Variants in CDH17 observed in about 807,000 individuals in gnomAD.
CDH17 encodes cadherin-17.
Under a neutral mutation model 86.3 loss-of-function variants are expected in CDH17, and 67 were observed. The observed-to-expected ratio is 0.78, with a 90% CI of 0.64 to 0.95. The LOEUF (loss-of-function observed/expected upper bound fraction) is 0.95, where lower values mean the gene tolerates loss of function less well. Among genes scored for constraint, CDH17 ranks in the 40% least tolerant of loss-of-function variants. CDH17 has a pLI of 0.00. For missense variants in CDH17, 993 were observed against 1,017.6 expected (o/e 0.98, Z 0.33); for synonymous variants, 367 against 366.4 (o/e 1.00, Z -0.02).
intron 3 of CDH17, among the ~76,000 whole-genome samples, chr8:94,179,437 G>T (rs1449469021): frequency 1.3e-5 from 2 of 152,252 alleles, no homozygotes; most frequent in Non-Finnish European, 2.9e-5. Flanking sequence ...GCTGGGAAAT[G>T]AGATGTCCAT....
At chr8:94,205,000 C>T (rs528531438) in intron 1 of CDH17, among the ~76,000 whole-genome samples, 51 of 152,204 alleles carry the variant, frequency 3.4e-4, no homozygotes, top group Admixed American at 3.9e-4. Flanking sequence ...CAGACCTTGA[C>T]GATGACCTTG....
chr8:94,144,671 A>C (rs918021431), intron 15 of CDH17, among the ~76,000 whole-genome samples: 3 of 152,164 alleles, frequency 2.0e-5, no homozygotes, highest in African/African-American at 7.2e-5. Flanking sequence ...CATGAAAAAA[A>C]TAGATACCAA....
rs565367402 is a variant in CDH17 at position 94,215,316 on chromosome 8, TAA to T, written c.-21+1880_-21+1881del. Among the ~76,000 whole-genome samples, 410 of 152,310 alleles carry T rather than the reference TAA, an allele frequency of 2.7e-3. 3 individuals are homozygous for T. Among genetic ancestry groups the T allele is most frequent in the African/African-American group, 8.9e-3 (369 of 41,572 alleles). Reference sequence around the variant, plus strand: ...CTATCCATATAATAGAATATTCATATAAAAAGATATGAAATACTGATACTACA... The same window carrying T: ...CTATCCATATAATAGAATATTCATATAAAGATATGAAATACTGATACTACA... On this transcript the variant is annotated intron_variant, in intron 1 of 17. Coordinates refer to the CDH17 transcript ENST00000450165.
chr8:94,165,348 C>T (rs1166758882), intron 10 of CDH17, among the ~76,000 whole-genome samples: 1 of 152,196 alleles, frequency 6.6e-6, no homozygotes, highest in Non-Finnish European at 1.5e-5. Flanking sequence ...GCCAAGCTTT[C>T]CTCAGACTGT....
chr8:94,150,642 C>A (rs1454870758), intron 13 of CDH17, among the ~76,000 whole-genome samples: 1 of 152,150 alleles, frequency 6.6e-6, no homozygotes, highest in African/African-American at 2.4e-5. Flanking sequence ...CCTTGCTAAC[C>A]TCCTCTTCCT....
intron 17 of CDH17, among the ~76,000 whole-genome samples, chr8:94,128,804 C>T (rs1207995173): frequency 3.3e-5 from 5 of 152,158 alleles, no homozygotes; most frequent in Non-Finnish European, 5.9e-5. Flanking sequence ...TGATTTTCAT[C>T]GTGTCCATAC....
At position 94,194,622 on chromosome 8, in the gene CDH17, C is replaced by G; in HGVS notation, c.51+13G>C. 1 of 1,552,418 alleles carries G rather than the reference C, an allele frequency of 6.4e-7. No homozygotes were observed. Among genetic ancestry groups the G allele is most frequent in the Non-Finnish European group, 8.9e-7 (1 of 1,126,064 alleles). ...CTAGTAAACAAATAGAGAAGAACAC[C>G]CTCTTCTCTTACCAAATAAAGCATA... is the stretch of plus-strand genomic sequence containing the variant. On this transcript the variant is annotated intron_variant, in intron 2 of 17. Transcript: ENST00000027335.
At chr8:94,198,974 A>G (rs1353406472) in intron 1 of CDH17, among the ~76,000 whole-genome samples, 1 of 148,300 alleles carries the variant, frequency 6.7e-6, no homozygotes, top group Non-Finnish European at 1.5e-5. Flanking sequence ...CCTAAACCCT[A>G]CTTCCTTCAT....
At chr8:94,136,940 T>C (rs910606945) in intron 15 of CDH17, among the ~76,000 whole-genome samples, 61 of 152,308 alleles carry the variant, frequency 4.0e-4, no homozygotes, top group Middle Eastern at 3.4e-3. Flanking sequence ...TGCCTGGGTA[T>C]CACCAGTGGA....
At chr8:94,152,974 T>A (rs1422262160) in intron 12 of CDH17, among the ~76,000 whole-genome samples, 1 of 152,186 alleles carries the variant, frequency 6.6e-6, no homozygotes, top group Non-Finnish European at 1.5e-5. Context: ...AGCCTAGCAA[T>A]GATCTTTTAG....
chr8:94,173,675 T>C, intron 7 of CDH17, 122 bp downstream of exon 7: 1 of 790,308 alleles, frequency 1.3e-6, no homozygotes, highest in South Asian at 1.6e-5. Context: ...TAATTTGCTT[T>C]ATAATCATGC....
chr8:94,203,565 C>T (rs992832716), intron 1 of CDH17, among the ~76,000 whole-genome samples: 1 of 152,318 alleles, frequency 6.6e-6, no homozygotes, highest in Admixed American at 6.5e-5. Context: ...GATTAATGTT[C>T]AGATCTGCCA....
intron 1 of CDH17, among the ~76,000 whole-genome samples, chr8:94,203,932 A>G (rs931453552): frequency 1.4e-4 from 22 of 152,236 alleles, no homozygotes; most frequent in Non-Finnish European, 2.8e-4. Context: ...CCAATCTTTC[A>G]GTATATGAAA....
upstream of CDH17, among the ~76,000 whole-genome samples, chr8:94,213,199 T>C (rs1814148486): frequency 6.6e-6 from 1 of 152,220 alleles, no homozygotes; most frequent in African/African-American, 2.4e-5. Flanking sequence ...CTTGAACTCC[T>C]GAGCTCAAGT....
Position 94,174,090 on chromosome 8 carries a change from C to A in CDH17, c.583+12G>T, listed in dbSNP as rs751435014. On this transcript the variant is annotated intron_variant, in intron 6 of 17. Coordinates refer to ENST00000027335, the MANE Select transcript of CDH17 (RefSeq NM_004063.4). ...GATCGAGACAGTCCTACCAGGGCAC[C>A]CCTGAACTTACCCTCTCGGGTAAGA... 3.7e-6 allele frequency: 6 copies of A among 1,613,102 alleles called. No individual in the cohort carries two copies. In the Admixed American group the frequency reaches 1.0e-4, roughly 27 times the overall value.
chr8:94,140,566 G>A (rs1389564666), intron 15 of CDH17, among the ~76,000 whole-genome samples: 1 of 151,642 alleles, frequency 6.6e-6, no homozygotes, highest in Non-Finnish European at 1.5e-5. Flanking sequence ...AGTGTAGGAA[G>A]AATAAAGGAA....
Position 94,194,695 on chromosome 8 carries a change from T to C in CDH17, c.-10A>G. The C allele has an allele frequency of 6.3e-7, 1 of 1,590,622 alleles. No homozygotes were observed. The highest frequency in any genetic ancestry group is 8.6e-7 in the Non-Finnish European group (1 of 1,164,266). ...GGGCCTGAAGTATCATAGTTTTCTT[T>C]ATTCAAATTCCTGTGAAGGAACCAG... On this transcript the variant is annotated 5_prime_UTR_variant, in exon 2 of 18. The change creates a new upstream start codon in the 5' untranslated region. Transcript: ENST00000027335.
At chr8:94,171,837 A>C (rs1472993141) in intron 7 of CDH17, among the ~76,000 whole-genome samples, 2 of 152,146 alleles carry the variant, frequency 1.3e-5, no homozygotes, top group Admixed American at 1.3e-4. Flanking sequence ...GCCTGGGAAG[A>C]TATCACAGCA....
At chr8:94,130,454 G>T (rs1812389516) in intron 17 of CDH17, among the ~76,000 whole-genome samples, 172 bp downstream of exon 17, 1 of 152,192 alleles carries the variant, frequency 6.6e-6, no homozygotes, top group Non-Finnish European at 1.5e-5. Flanking sequence ...TACTAAAGCT[G>T]TAACTCCAAT....
Sources: gnomAD v4.1 joint callset for allele counts (sites outside exome capture counted in the v4.1 genomes callset) on GRCh38, gnomAD v4.1.1 for gene constraint, MANE v1.5 for transcripts, NCBI Gene and HGNC (gene_info 2026-07-23, HGNC 2026-07-21) for gene names.